Variants in DPP6 observed in about 807,000 individuals in gnomAD.
DPP6 encodes dipeptidyl peptidase like 6, also known as A-type potassium channel modulatory protein DPP6.
Under a neutral mutation model 122.6 loss-of-function variants are expected in DPP6, and 69 were observed. That is an observed-to-expected ratio of 0.56 (90% CI 0.46 to 0.69). The LOEUF is 0.69. Ranked by LOEUF, DPP6 falls within the 30% of genes least tolerant of loss-of-function variation. The pLI, the probability that DPP6 is intolerant of heterozygous loss-of-function variation, is 0.00. For synonymous variants in DPP6, 418 were observed against 433.1 expected (o/e 0.97, Z 0.43); for missense variants, 928 against 1,116.9 (o/e 0.83, Z 2.41).
chr7:154,413,835 G>A (rs1194436551), intron 1 of DPP6, among the ~76,000 whole-genome samples: 2 of 152,114 alleles, frequency 1.3e-5, no homozygotes, highest in Non-Finnish European at 2.9e-5. Context: ...TACCAATAAT[G>A]AATGATAATG....
chr7:154,100,126 G>C (rs1237902711), intron 1 of DPP6, among the ~76,000 whole-genome samples: 1 of 111,504 alleles, frequency 9.0e-6, no homozygotes, highest in Middle Eastern at 4.6e-3. Flanking sequence ...TATGAATCTG[G>C]AGTTCACAGA....
intron 7 of DPP6, among the ~76,000 whole-genome samples, chr7:154,702,124 T>A (rs988249286): frequency 6.6e-6 from 1 of 152,262 alleles, no homozygotes; most frequent in Non-Finnish European, 1.5e-5. Flanking sequence ...CTGATGTAAT[T>A]GTTTTGGGAG....
the DPP6 span, among the ~76,000 whole-genome samples, chr7:153,778,950 G>A: frequency 0.06 from 8,314 of 138,812 alleles, 680 homozygotes; most frequent in African/African-American, 0.22. Flanking sequence ...CTACAGGTGA[G>A]CGGATGAACA....
intron 1 of DPP6, among the ~76,000 whole-genome samples, chr7:154,028,568 G>A (rs1277053139): frequency 1.3e-5 from 2 of 151,568 alleles, no homozygotes; most frequent in Non-Finnish European, 2.9e-5. Flanking sequence ...GGGCTGACAC[G>A]CAGGGACTTG....
intron 1 of DPP6, among the ~76,000 whole-genome samples, chr7:153,951,331 AGAATATCT>A (rs2129021457): frequency 6.6e-6 from 1 of 152,302 alleles, no homozygotes; most frequent in East Asian, 1.9e-4. Context: ...AGAGTGAGGG[AGAATATCT>A]GACCTGCTCC....
the DPP6 span, among the ~76,000 whole-genome samples, chr7:153,830,887 G>T: frequency 1.3e-5 from 2 of 152,138 alleles, no homozygotes; most frequent in Non-Finnish European, 2.9e-5. Flanking sequence ...TGAAATAACG[G>T]ATTGATTAGC....
At chr7:154,475,064 A>G (rs772028889) in intron 3 of DPP6, 27 bp downstream of exon 3, 27 of 1,559,226 alleles carry the variant, frequency 1.7e-5, no homozygotes, top group Non-Finnish European at 2.2e-5. Flanking sequence ...CGTGCACAAG[A>G]CATCGCTTCC....
At chr7:154,133,781 A>G (rs1357927405) in intron 1 of DPP6, among the ~76,000 whole-genome samples, 1 of 147,344 alleles carries the variant, frequency 6.8e-6, no homozygotes, top group Non-Finnish European at 1.5e-5. Flanking sequence ...TTGATCTTCT[A>G]CTCCTATCAG....
chr7:153,929,042 G>C lies in DPP6; in HGVS notation c.51+41308G>C, dbSNP rs910560461. On this transcript the variant is annotated intron_variant, in intron 1 of 25. Transcript: ENST00000404039. ...ACCTTACAGCATCCTACATACTTGGGCTTTACCTCCAGAGAGATGACGTGA... is the reference window on the plus strand; with the variant it reads ...ACCTTACAGCATCCTACATACTTGGCCTTTACCTCCAGAGAGATGACGTGA... Among the ~76,000 whole-genome samples, 70 of 152,174 alleles carry C rather than the reference G, an allele frequency of 4.6e-4. 1 individual carries two copies. The highest frequency in any genetic ancestry group is 1.5e-3 in the African/African-American group (62 of 41,446).
chr7:154,575,405 G>GTATAT (rs1831543286), intron 5 of DPP6, among the ~76,000 whole-genome samples: 1 of 111,712 alleles, frequency 9.0e-6, no homozygotes, highest in African/African-American at 3.4e-5. Context: ...GTGTGTGTGT[G>GTATAT]GTGTTTGTGT....
At chr7:154,184,787 C>G (rs1798272518) in intron 1 of DPP6, among the ~76,000 whole-genome samples, 1 of 151,760 alleles carries the variant, frequency 6.6e-6, no homozygotes, top group Non-Finnish European at 1.5e-5. Context: ...CTGTTTGATG[C>G]CTTACTAAAT....
intron 1 of DPP6, among the ~76,000 whole-genome samples, chr7:153,994,000 A>G (rs2533587): frequency 2.6e-5 from 4 of 152,336 alleles, no homozygotes; most frequent in Admixed American, 6.5e-5. Flanking sequence ...AAGCTATTGG[A>G]TCAATAAGCT....
At chr7:154,234,035 C>T (rs1052331451) in intron 1 of DPP6, among the ~76,000 whole-genome samples, 2 of 152,108 alleles carry the variant, frequency 1.3e-5, no homozygotes, top group African/African-American at 2.4e-5. Flanking sequence ...ATATTTCATA[C>T]CCTTACTATT....
At chr7:154,318,834 AG>A (rs1176071794) in intron 1 of DPP6, among the ~76,000 whole-genome samples, 1 of 152,070 alleles carries the variant, frequency 6.6e-6, no homozygotes, top group Non-Finnish European at 1.5e-5. Flanking sequence ...TATATGTTAG[AG>A]AAAAAAGAAA....
At chr7:154,201,220 T>C (rs1316513234) in intron 1 of DPP6, among the ~76,000 whole-genome samples, 1 of 152,010 alleles carries the variant, frequency 6.6e-6, no homozygotes, top group Non-Finnish European at 1.5e-5. Flanking sequence ...CTCCGCCTCC[T>C]GGATTCAAGA....
intron 6 of DPP6, among the ~76,000 whole-genome samples, chr7:154,661,647 T>G (rs1451302979): frequency 6.8e-6 from 1 of 147,776 alleles, no homozygotes; most frequent in Non-Finnish European, 1.5e-5. Context: ...AGTATTCATA[T>G]AGTCATGGTG....
At chr7:154,830,407 C>T (rs1008093256) in intron 16 of DPP6, among the ~76,000 whole-genome samples, 23 of 152,242 alleles carry the variant, frequency 1.5e-4, no homozygotes, top group African/African-American at 5.1e-4. Flanking sequence ...AACAAAGAAG[C>T]GCTTGAAGGA....
At position 154,100,235 on chromosome 7, in the gene DPP6, C is replaced by G. The variant is rs1314064567; in HGVS notation, c.243+47172C>G. Reference sequence around the variant, plus strand: ...TTTATTTTATTTTTTACCAGAACTGCTATTTTTACAAACTGAAAGTCCCTT... The same window carrying G: ...TTTATTTTATTTTTTACCAGAACTGGTATTTTTACAAACTGAAAGTCCCTT... On this transcript the variant is annotated intron_variant, in intron 1 of 25. Coordinates refer to ENST00000377770, the MANE Select transcript of DPP6 (RefSeq NM_130797.4). Among the ~76,000 whole-genome samples, 2 of 104,752 alleles carry G rather than the reference C, an allele frequency of 1.9e-5. 1 individual carries two copies. Among genetic ancestry groups the G allele is most frequent in the Non-Finnish European group, 3.9e-5 (2 of 51,754 alleles). 68.7% of individuals were successfully genotyped at this position (104,752 alleles called of 152,430 possible). A position where few individuals can be genotyped will look rare whatever the true frequency, so the allele number is the denominator to read the frequency against.
At chr7:153,930,400 G>A (rs1162633463) in intron 1 of DPP6, among the ~76,000 whole-genome samples, 1 of 152,170 alleles carries the variant, frequency 6.6e-6, no homozygotes, top group Non-Finnish European at 1.5e-5. Flanking sequence ...TCCATACTTA[G>A]AAACCAGCAT....
Sources: gnomAD v4.1 joint callset for allele counts (sites outside exome capture counted in the v4.1 genomes callset) on GRCh38, gnomAD v4.1.1 for gene constraint, MANE v1.5 for transcripts, NCBI Gene and HGNC (gene_info 2026-07-23, HGNC 2026-07-21) for gene names.